The following MSANTD3 variants were observed in gnomAD, a reference collection of about 807,000 sequenced individuals.
MSANTD3 encodes the protein Myb/SANT DNA binding domain containing 3, also known as myb/SANT-like DNA-binding domain-containing protein 3.
MSANTD3 carries 11 observed loss-of-function variants against 27.7 expected under a neutral mutation model. The ratio of observed to expected loss-of-function variants is 0.40; its 90% CI spans 0.25 to 0.66. The LOEUF (loss-of-function observed/expected upper bound fraction) is 0.66, where lower values mean the gene tolerates loss of function less well. Ranked by LOEUF, MSANTD3 falls within the 30% of genes least tolerant of loss-of-function variation. The pLI, the probability that MSANTD3 is intolerant of heterozygous loss-of-function variation, is 0.41. For synonymous variants in MSANTD3, 131 were observed against 127.2 expected, an observed-to-expected ratio of 1.03 and a Z score of -0.20; for missense variants, 250 against 336.5, an observed-to-expected ratio of 0.74 and a Z score of 2.01.
At chr9:100,439,515 T>TA (rs1028697579) in intron 1 of MSANTD3, among the ~76,000 whole-genome samples, 4 of 151,122 alleles carry the variant, frequency 2.6e-5, no homozygotes, top group African/African-American at 7.3e-5. Context: ...TTTTTTTTTT[T>TA]AATTTTTTTT....
At chr9:100,441,654 C>A (rs1836625563) in intron 1 of MSANTD3, among the ~76,000 whole-genome samples, 1 of 152,044 alleles carries the variant, frequency 6.6e-6, no homozygotes, top group Non-Finnish European at 1.5e-5. Flanking sequence ...AAAAAATGTT[C>A]AACTTTTCTT....
chr9:100,427,946 T>C (rs944805549), intron 1 of MSANTD3, among the ~76,000 whole-genome samples: 1 of 150,864 alleles, frequency 6.6e-6, no homozygotes, highest in African/African-American at 2.4e-5. Context: ...GAGGCGGGGG[T>C]CGGGGGGGCG....
chr9:100,441,975 T>C lies in MSANTD3; in HGVS notation c.37T>C (p.Phe13Leu). The C allele has an allele frequency of 6.2e-7, 1 of 1,613,372 alleles. No individual in the cohort carries two copies. Among genetic ancestry groups the C allele is most frequent in the African/African-American group, 1.3e-5 (1 of 74,996 alleles). ...CGAAATTATAAAGCCTGCCAAATAC[T>C]TCTCAGAATTGGAAAAGAGCATCCT... ...NNEIIKPAKY[F>L]SELEKSILLA... Residue 13 changes from phenylalanine (F) to leucine (L), a missense_variant, in exon 2 of 3, where the codon TTC becomes CTC. Phe to Leu is a conservative substitution (Grantham distance 22). Around this residue, in one of 3 missense-constraint regions of MSANTD3, gnomAD observed 13 missense variants for 16.7 expected, o/e 0.78. Transcript: ENST00000395067.
intron 1 of MSANTD3, among the ~76,000 whole-genome samples, chr9:100,428,114 G>A (rs1836286058): frequency 6.6e-6 from 1 of 152,198 alleles, no homozygotes; most frequent in Non-Finnish European, 1.5e-5. Context: ...GGTAGTTACT[G>A]TAAATTGCAT....
chr9:100,442,207 G>A lies in MSANTD3; in HGVS notation c.269G>A (p.Arg90Lys), dbSNP rs887867357. The A allele has an allele frequency of 5.2e-5, 84 of 1,613,902 alleles. No homozygotes were observed. Among genetic ancestry groups the A allele is most frequent in the Non-Finnish European group, 6.9e-5 (82 of 1,180,012 alleles). The change falls in exon 2 of 3, where the codon AGA becomes AAA. Residue 90 changes from arginine (R) to lysine (K), a missense_variant. Coordinates refer to ENST00000395067, the MANE Select transcript of MSANTD3 (RefSeq NM_080655.3). ...AAAAAAATTATGGCCCATGAAAGGAGAGAGAAAGTGAAACGGAGCGTCAGC... is the reference window on the plus strand; with the variant it reads ...AAAAAAATTATGGCCCATGAAAGGAAAGAGAAAGTGAAACGGAGCGTCAGC... ...RTKKIMAHER[R>K]EKVKRSVSPL...
In MSANTD3 at chr9:100,428,666, G is replaced by C. The variant is rs114354672; in HGVS notation, c.-34+1273G>C. Among the ~76,000 whole-genome samples, 1,033 of 152,282 alleles carry C rather than the reference G, an allele frequency of 6.8e-3. 7 individuals carry two copies. The highest frequency in any genetic ancestry group is 0.024 in the African/African-American group (999 of 41,548). On this transcript the variant is annotated intron_variant, in intron 1 of 2. Coordinates refer to ENST00000395067, the MANE Select transcript of MSANTD3 (RefSeq NM_080655.3). Reference sequence around the variant, plus strand: ...ACTCCCAGGCCGCCAAAAATATTCAGATTGATGGAGGGTCAGGTGATTGGG... The same window carrying C: ...ACTCCCAGGCCGCCAAAAATATTCACATTGATGGAGGGTCAGGTGATTGGG...
intron 2 of MSANTD3, chr9:100,444,336 A>G (rs1003589438): frequency 6.6e-6 from 1 of 152,110 alleles, no homozygotes; most frequent in African/African-American, 2.4e-5. Flanking sequence ...AAGCCAGGGT[A>G]CCTCCTAGCA....
intron 1 of MSANTD3, among the ~76,000 whole-genome samples, chr9:100,439,533 A>G (rs1357493393): frequency 6.7e-6 from 1 of 150,246 alleles, no homozygotes; most frequent in Non-Finnish European, 1.5e-5. Flanking sequence ...TTTTCGAGAC[A>G]GAGTCTTGCT....
At position 100,445,207 on chromosome 9, in the gene MSANTD3, A is replaced by G. The variant is rs747565852; in HGVS notation, c.418+2851A>G. On this transcript the variant is annotated intron_variant, in intron 2 of 2. Coordinates refer to ENST00000395067, the MANE Select transcript of MSANTD3 (RefSeq NM_080655.3). Reference sequence around the variant, plus strand: ...AAGAAAAAGAAGCCTGGAATTGTCAATCATCCTTTCTGGGACTTGGTAGGA... The same window carrying G: ...AAGAAAAAGAAGCCTGGAATTGTCAGTCATCCTTTCTGGGACTTGGTAGGA... 9.3e-6 allele frequency: 15 copies of G among 1,609,892 alleles called. No homozygotes were observed. In the Admixed American group the frequency reaches 1.7e-4, roughly 18 times the overall value.
intron 1 of MSANTD3, among the ~76,000 whole-genome samples, chr9:100,432,076 G>C (rs759393572): frequency 2.0e-5 from 3 of 152,086 alleles, no homozygotes; most frequent in Non-Finnish European, 4.4e-5. Flanking sequence ...ATGGGAAAGT[G>C]GGGGAGACCT....
rs757010285 is a variant in MSANTD3 at position 100,442,206 on chromosome 9, A to G, written c.268A>G (p.Arg90Gly). The change falls in exon 2 of 3, where the codon AGA becomes GGA. Residue 90 changes from arginine to glycine, a missense_variant. Physicochemically the swap from Arg to Gly is moderately radical, Grantham distance 125. Coordinates refer to ENST00000395067, the MANE Select transcript of MSANTD3 (RefSeq NM_080655.3). The stretch of plus-strand genomic sequence containing the variant: ...CAAAAAAATTATGGCCCATGAAAGG[A>G]GAGAGAAAGTGAAACGGAGCGTCAG... The part of the protein sequence containing the change: ...RTKKIMAHER[R>G]EKVKRSVSPL... 3.3e-5 allele frequency: 54 copies of G among 1,613,952 alleles called. No individual in the cohort carries two copies. The highest frequency in any genetic ancestry group is 4.2e-5 in the Non-Finnish European group (49 of 1,180,020).
At chr9:100,441,081 G>A (rs1237055971) in intron 1 of MSANTD3, among the ~76,000 whole-genome samples, 17 of 150,964 alleles carry the variant, frequency 1.1e-4, no homozygotes, top group Admixed American at 1.1e-3. Flanking sequence ...GATTACAGGC[G>A]CACGCCACCA....
intron 2 of MSANTD3, chr9:100,448,629 T>C: frequency 1.0e-6 from 1 of 985,408 alleles, no homozygotes; most frequent in Non-Finnish European, 1.2e-6. Context: ...TGCTGGGTTC[T>C]CCATGAGGAT....
chr9:100,440,120 G>A (rs1161946503), intron 1 of MSANTD3, among the ~76,000 whole-genome samples: 2 of 152,158 alleles, frequency 1.3e-5, no homozygotes, highest in Non-Finnish European at 2.9e-5. Context: ...ACACTTCACT[G>A]GAAGAAGACA....
At chr9:100,449,147 C>CT in intron 2 of MSANTD3, 1 of 985,362 alleles carries the variant, frequency 1.0e-6, no homozygotes, top group Non-Finnish European at 1.2e-6. Context: ...TCAAGAAAGC[C>CT]TTAGAGTCAC....
intron 2 of MSANTD3, chr9:100,445,229 A>G: frequency 6.2e-7 from 1 of 1,600,314 alleles, no homozygotes; most frequent in Non-Finnish European, 8.6e-7. Context: ...GGGACTTGGT[A>G]GGAAAAAGGT....
chr9:100,450,399 C>T (rs1358309970), intron 2 of MSANTD3, among the ~76,000 whole-genome samples, 158 bp from the exon 3 acceptor site: 3 of 152,020 alleles, frequency 2.0e-5, no homozygotes. Flanking sequence ...TTTAAAAAGT[C>T]AGGTGTGGCT....
At chr9:100,430,487 G>A (rs1347127785) in intron 1 of MSANTD3, among the ~76,000 whole-genome samples, 1 of 152,150 alleles carries the variant, frequency 6.6e-6, no homozygotes, top group Non-Finnish European at 1.5e-5. Flanking sequence ...GACCAGATCC[G>A]GAAAGGCCAT....
Position 100,451,102 on chromosome 9 carries a change from C to A in MSANTD3, c.*136C>A. 2.3e-6 allele frequency: 2 copies of A among 861,912 alleles called. No individual in the cohort carries two copies. Among genetic ancestry groups the A allele is most frequent in the Non-Finnish European group, 3.5e-6 (2 of 571,384 alleles). 53.4% of individuals were successfully genotyped at this position (861,912 alleles called of 1,614,324 possible). A position where few individuals can be genotyped will look rare whatever the true frequency, so the allele number is the denominator to read the frequency against. On this transcript the variant is annotated 3_prime_UTR_variant, in exon 3 of 3. Coordinates refer to ENST00000395067, the MANE Select transcript of MSANTD3 (RefSeq NM_080655.3). ...GGTAGTAGTCACTTATTTAAGAATT[C>A]ATTCAGGTAAACAGCTGCACCCTCT...
Sources: gnomAD v4.1 joint callset for allele counts (sites outside exome capture counted in the v4.1 genomes callset) on GRCh38, gnomAD v4.1.1 for gene constraint, gnomAD v4.1.1 regional missense constraint, MANE v1.5 for transcripts, NCBI Gene and HGNC (gene_info 2026-07-23, HGNC 2026-07-21) for gene names.